The following P2RY2 variants were observed in gnomAD, a reference collection of about 807,000 sequenced individuals.
P2RY2 encodes the protein P2Y purinoceptor 2.
For synonymous variants in P2RY2, 241 were observed against 231.9 expected, an observed-to-expected ratio of 1.04 and a Z score of -0.35; for missense variants, 567 against 515.7, an observed-to-expected ratio of 1.10 and a Z score of -0.96.
At chr11:73,219,743 T>C (rs1345276817) in intron 1 of P2RY2, among the ~76,000 whole-genome samples, 3 of 152,214 alleles carry the variant, frequency 2.0e-5, no homozygotes, top group Non-Finnish European at 1.5e-5. Flanking sequence ...GCCTGGAGTC[T>C]CTCATTTCTT....
chr11:73,222,413 T>C (rs564354516), intron 1 of P2RY2, among the ~76,000 whole-genome samples: 1 of 152,130 alleles, frequency 6.6e-6, no homozygotes, highest in Non-Finnish European at 1.5e-5. Flanking sequence ...CTGTCCCATC[T>C]ACCTTCCATG....
At chr11:73,229,398 C>A (rs775252304) in intron 2 of P2RY2, among the ~76,000 whole-genome samples, 22 of 151,914 alleles carry the variant, frequency 1.4e-4, no homozygotes, top group Admixed American at 7.2e-4. Context: ...GGCTGGTGAG[C>A]GTTGGATAGT....
At chr11:73,220,757 A>C (rs1256917468) in intron 1 of P2RY2, among the ~76,000 whole-genome samples, 1 of 152,184 alleles carries the variant, frequency 6.6e-6, no homozygotes, top group East Asian at 1.9e-4. Context: ...GGCAACCCTC[A>C]GAAATGACTA....
At chr11:73,229,866 G>A (rs1565139731) in intron 2 of P2RY2, among the ~76,000 whole-genome samples, 3 of 152,230 alleles carry the variant, frequency 2.0e-5, no homozygotes, top group South Asian at 4.1e-4. Flanking sequence ...GACTGGGTGT[G>A]TGTGTCTGCA....
chr11:73,228,338 T>C (rs1862348576), intron 2 of P2RY2, among the ~76,000 whole-genome samples, 163 bp downstream of exon 2: 1 of 152,258 alleles, frequency 6.6e-6, no homozygotes, highest in Non-Finnish European at 1.5e-5. Flanking sequence ...ATTCAGGCTT[T>C]GAAGCCAGAT....
chr11:73,236,638 C>T lies in P2RY2; in HGVS notation c.*1345C>T, dbSNP rs1343244744. On this transcript the variant is annotated 3_prime_UTR_variant, in exon 3 of 3. Transcript: ENST00000393597. ...TCAAGGCAGGGTTGGGGCTGGGTCA[C>T]AAGGAGGCCAAGTTAGGGCTCCCTC... 3 of 985,356 alleles carry T rather than the reference C, an allele frequency of 3.0e-6. No homozygotes were observed. Among genetic ancestry groups the T allele is most frequent in the Non-Finnish European group, 2.4e-6 (2 of 829,912 alleles). The allele number at this position is 985,356 out of a possible 1,614,324, so 61.0% of individuals were successfully genotyped here. A position where few individuals can be genotyped will look rare whatever the true frequency, so the allele number is the denominator to read the frequency against.
Position 73,235,050 on chromosome 11 carries a change from T to C in P2RY2, c.891T>C (p.Ala297=), listed in dbSNP as rs760597577. 6.2e-7 allele frequency: 1 copy of C among 1,608,152 alleles called. No individual in the cohort carries two copies. The highest frequency in any genetic ancestry group is 8.5e-7 in the Non-Finnish European group (1 of 1,179,940). Residue 297 remains alanine (A), a synonymous_variant, in exon 3 of 3, where the codon GCT becomes GCC. Transcript: ENST00000393597. The part of the protein sequence containing the change: ...AYKVTRPLAS[A]NSCLDPVLYF... Reference sequence around the variant, plus strand: ...AGGTTACCCGGCCGCTGGCCAGTGCTAACAGTTGCCTTGACCCCGTGCTCT... The same window carrying C: ...AGGTTACCCGGCCGCTGGCCAGTGCCAACAGTTGCCTTGACCCCGTGCTCT...
At chr11:73,231,615 C>A (rs188213790) in intron 2 of P2RY2, among the ~76,000 whole-genome samples, 4 of 152,090 alleles carry the variant, frequency 2.6e-5, no homozygotes, top group East Asian at 1.9e-4. Context: ...CTCTACACCC[C>A]CCAGCACCCC....
At chr11:73,225,718 A>G (rs1405118408) in intron 1 of P2RY2, among the ~76,000 whole-genome samples, 3 of 152,268 alleles carry the variant, frequency 2.0e-5, no homozygotes, top group Admixed American at 6.5e-5. Flanking sequence ...AGAACTTGGC[A>G]CAGGGACAGC....
At chr11:73,226,443 G>A (rs147117993) in intron 1 of P2RY2, among the ~76,000 whole-genome samples, 1 of 152,192 alleles carries the variant, frequency 6.6e-6, no homozygotes, top group Non-Finnish European at 1.5e-5. Context: ...TTGTCAATCT[G>A]AGACCACCAG....
chr11:73,228,842 A>G (rs1013316244), intron 2 of P2RY2, among the ~76,000 whole-genome samples: 8 of 152,228 alleles, frequency 5.3e-5, no homozygotes, highest in African/African-American at 1.2e-4. Context: ...ACCACGGGGG[A>G]TGGGCTGCAA....
At chr11:73,223,609 G>T (rs190066920) in intron 1 of P2RY2, among the ~76,000 whole-genome samples, 19 of 152,344 alleles carry the variant, frequency 1.2e-4, no homozygotes, top group Admixed American at 1.0e-3. Flanking sequence ...GAGAAGGGGG[G>T]CTGACTTCAC....
In P2RY2 at chr11:73,235,719, A is replaced by G. The variant is rs1478502689; in HGVS notation, c.*426A>G. The G allele has an allele frequency of 3.0e-6, 3 of 1,007,350 alleles. No individual in the cohort carries two copies. The highest frequency in any genetic ancestry group is 3.6e-6 in the Non-Finnish European group (3 of 835,146). The allele number at this position is 1,007,350 out of a possible 1,614,324, so 62.4% of individuals were successfully genotyped here. A position where few individuals can be genotyped will look rare whatever the true frequency, so the allele number is the denominator to read the frequency against. On this transcript the variant is annotated 3_prime_UTR_variant, in exon 3 of 3. Coordinates refer to ENST00000393597, the MANE Select transcript of P2RY2 (RefSeq NM_002564.4). Reference sequence around the variant, plus strand: ...AGCTACCTGGGGTGGGGGCCAAGTCACAGGTTGGCCAGAAAACCCTGGTAA... The same window carrying G: ...AGCTACCTGGGGTGGGGGCCAAGTCGCAGGTTGGCCAGAAAACCCTGGTAA...
At chr11:73,231,548 A>C (rs1386706299) in intron 2 of P2RY2, among the ~76,000 whole-genome samples, 2 of 151,044 alleles carry the variant, frequency 1.3e-5, no homozygotes, top group Non-Finnish European at 3.0e-5. Flanking sequence ...TGGAGTGAGA[A>C]TCTGTCTCAA....
intron 1 of P2RY2, among the ~76,000 whole-genome samples, chr11:73,218,958 A>G (rs1290323457): frequency 2.0e-5 from 3 of 152,196 alleles, no homozygotes; most frequent in African/African-American, 4.8e-5. Context: ...GGGAGTGGCC[A>G]GAAAGGACAG....
At position 73,234,819 on chromosome 11, in the gene P2RY2, C is replaced by T. The variant is rs749418734; in HGVS notation, c.660C>T (p.Leu220=). The part of the protein sequence containing the change: ...PFAVILVCYV[L]MARRLLKPAY... ...CCGTCATCCTTGTCTGTTACGTGCT[C>T]ATGGCTCGGCGACTGCTAAAGCCAG... The change falls in exon 3 of 3, where the codon CTC becomes CTT. Residue 220 remains leucine (L), a synonymous_variant. Transcript: ENST00000393597. 1 of 1,611,614 alleles carries T rather than the reference C, an allele frequency of 6.2e-7. No individual in the cohort carries two copies. The highest frequency in any genetic ancestry group is 8.5e-7 in the Non-Finnish European group (1 of 1,179,964).
intron 1 of P2RY2, among the ~76,000 whole-genome samples, chr11:73,226,149 A>C (rs997703436): frequency 6.6e-6 from 1 of 152,130 alleles, no homozygotes; most frequent in Admixed American, 6.5e-5. Context: ...GGTTGGACTA[A>C]CAGGGCTTGG....
chr11:73,228,993 CTTCATTCA>C (rs58289514), intron 2 of P2RY2, among the ~76,000 whole-genome samples: 250 of 150,222 alleles, frequency 1.7e-3, no homozygotes, highest in Middle Eastern at 3.4e-3. Context: ...CTTGTGCTTG[CTTCATTCA>C]TTCATTCATT....
chr11:73,232,504 T>G (rs141501641), intron 2 of P2RY2, among the ~76,000 whole-genome samples: 1 of 152,092 alleles, frequency 6.6e-6, no homozygotes, highest in Non-Finnish European at 1.5e-5. Flanking sequence ...CTCCACCTCC[T>G]GGGCCCAGGT....
Sources: allele counts gnomAD v4.1 joint callset (sites outside exome capture counted in the v4.1 genomes callset), GRCh38; gene constraint gnomAD v4.1.1; transcripts MANE v1.5; gene names NCBI Gene and HGNC (gene_info 2026-07-23, HGNC 2026-07-21).